PADI2: variants seen among roughly 807,000 people sequenced by gnomAD.
PADI2 encodes the protein protein-arginine deiminase type-2.
A neutral mutation model predicts 81.1 loss-of-function variants in PADI2; 70 were observed. The observed-to-expected ratio is 0.86, with a 90% CI of 0.71 to 1.05. PADI2 has a LOEUF of 1.05. Ranked by LOEUF, PADI2 falls within the 50% of genes least tolerant of loss-of-function variation. The probability of loss-of-function intolerance (pLI) is 0.00; values close to 1 mark genes in which losing one functional copy is unlikely to be tolerated. For synonymous variants in PADI2, 338 were observed against 358.0 expected (o/e 0.94, Z 0.63); for missense variants, 853 against 889.9 (o/e 0.96, Z 0.53).
chr1:17,104,623 C>A (rs1422164230), intron 2 of PADI2, among the ~76,000 whole-genome samples: 1 of 151,518 alleles, frequency 6.6e-6, no homozygotes, highest in Non-Finnish European at 1.5e-5. Context: ...TTAGTAGAGA[C>A]AGGGTTTCAC....
chr1:17,104,781 G>T, intron 2 of PADI2, 97 bp downstream of exon 2: 1 of 1,061,450 alleles, frequency 9.4e-7, no homozygotes, highest in Non-Finnish European at 1.3e-6. Context: ...AATGACACAT[G>T]GCCCACGTGC....
At chr1:17,107,699 A>G (rs1931432884) in intron 1 of PADI2, among the ~76,000 whole-genome samples, 1 of 152,202 alleles carries the variant, frequency 6.6e-6, no homozygotes, top group Admixed American at 6.5e-5. Flanking sequence ...GCTGCCGGGC[A>G]GTGTCTGTCT....
intron 4 of PADI2, among the ~76,000 whole-genome samples, chr1:17,093,968 G>A (rs1476873024): frequency 6.6e-6 from 1 of 152,098 alleles, no homozygotes; most frequent in Non-Finnish European, 1.5e-5. Context: ...GCAGGGAGGT[G>A]GAGGCTGGCC....
chr1:17,114,707 A>G (rs192308740), intron 1 of PADI2, among the ~76,000 whole-genome samples: 61 of 152,080 alleles, frequency 4.0e-4, no homozygotes, highest in African/African-American at 1.2e-3. Context: ...GCACCACGAC[A>G]TGGGGTAGTC....
intron 7 of PADI2, among the ~76,000 whole-genome samples, chr1:17,084,927 C>A (rs1428274759): frequency 6.6e-6 from 1 of 152,204 alleles, no homozygotes. Context: ...ATGGGGAAAC[C>A]GAGTCACAGG....
Position 17,075,756 on chromosome 1 carries a change from C to T in PADI2, c.1378G>A (p.Val460Met), listed in dbSNP as rs376698911. The change falls in exon 12 of 16, where the codon GTG becomes ATG. Residue 460 changes from valine (V) to methionine (M), a missense_variant. Transcript: ENST00000375486. ...FLKAQQVQAP[V>M]ELYSDWLTVG... ...GTCAGCCAGTCTGAGTAGAGCTCCA[C>T]GGGCGCCTGCACCTGCTGGGCCTTC... 54 of 1,613,852 alleles carry T rather than the reference C, an allele frequency of 3.3e-5. No homozygotes were observed. The highest frequency in any genetic ancestry group is 1.6e-4 in the Middle Eastern group (1 of 6,082).
At chr1:17,078,358 G>A (rs912890176) in intron 11 of PADI2, among the ~76,000 whole-genome samples, 2 of 152,014 alleles carry the variant, frequency 1.3e-5, no homozygotes, top group African/African-American at 4.8e-5. Flanking sequence ...TGATCCACCC[G>A]CCTCGGCCTC....
At chr1:17,079,625 CGAGTGA>C (rs139359264) in intron 10 of PADI2, among the ~76,000 whole-genome samples, 204 of 151,160 alleles carry the variant, frequency 1.3e-3, no homozygotes, top group African/African-American at 4.8e-3. Context: ...TGTGAGAGTG[CGAGTGA>C]GAGTGAGTGT....
chr1:17,107,416 A>G (rs1931421725), intron 1 of PADI2, among the ~76,000 whole-genome samples: 1 of 152,196 alleles, frequency 6.6e-6, no homozygotes, highest in Non-Finnish European at 1.5e-5. Context: ...TGACAAGTGT[A>G]GGCCAGCGGC....
chr1:17,108,228 C>A (rs1023574697), intron 1 of PADI2, among the ~76,000 whole-genome samples: 6 of 152,116 alleles, frequency 3.9e-5, no homozygotes, highest in Non-Finnish European at 8.8e-5. Flanking sequence ...GGATTACAGG[C>A]GTGAGCCACC....
intron 12 of PADI2, chr1:17,075,213 A>T (rs1477022943): frequency 2.4e-6 from 1 of 415,374 alleles, no homozygotes; most frequent in East Asian, 4.5e-5. Context: ...AAGCAGCCAC[A>T]CAATTTGCAG....
chr1:17,100,914 C>A (rs1015598953), intron 3 of PADI2, among the ~76,000 whole-genome samples: 2 of 152,122 alleles, frequency 1.3e-5, no homozygotes, highest in Non-Finnish European at 2.9e-5. Flanking sequence ...CCCACCTTGG[C>A]CTCCCAAAGT....
chr1:17,084,876 C>A (rs937117912), intron 7 of PADI2, among the ~76,000 whole-genome samples, 174 bp from the exon 8 acceptor site: 4 of 152,254 alleles, frequency 2.6e-5, no homozygotes, highest in Non-Finnish European at 4.4e-5. Flanking sequence ...GCCTTCCGAC[C>A]ACCGCAGGAG....
At chr1:17,110,543 T>G (rs886111175) in intron 1 of PADI2, among the ~76,000 whole-genome samples, 2 of 152,166 alleles carry the variant, frequency 1.3e-5, no homozygotes, top group East Asian at 3.9e-4. Flanking sequence ...ATTCACTGGC[T>G]CCTCAGTGCC....
At chr1:17,093,112 T>C (rs772471828) in intron 5 of PADI2, among the ~76,000 whole-genome samples, 2 of 151,918 alleles carry the variant, frequency 1.3e-5, no homozygotes, top group Non-Finnish European at 2.9e-5. Context: ...TTTTTTTTTC[T>C]TGAGACAGAG....
At position 17,087,600 on chromosome 1, in the gene PADI2, A is replaced by T. The variant is rs780785962; in HGVS notation, c.656-901T>A. Among the ~76,000 whole-genome samples, 75 of 152,218 alleles carry T rather than the reference A, an allele frequency of 4.9e-4. No individual in the cohort carries two copies. In the Middle Eastern group the frequency reaches 0.01, roughly 21 times the overall value. On this transcript the variant is annotated intron_variant, in intron 6 of 15. Transcript: ENST00000375486. ...ACTGCAACCTCTGCCTCCTGGGTTC[A>T]AGCGATTCTCCTGCCTCAGCCTCCC... is the stretch of plus-strand genomic sequence containing the variant.
intron 6 of PADI2, among the ~76,000 whole-genome samples, chr1:17,091,325 C>G (rs1237722967): frequency 6.6e-6 from 1 of 150,468 alleles, no homozygotes; most frequent in Non-Finnish European, 1.5e-5. Context: ...TCCCGCCACC[C>G]CACGACCCGC....
chr1:17,090,581 TTGTGTG>T (rs3036949), intron 6 of PADI2, among the ~76,000 whole-genome samples: 36,055 of 142,744 alleles, frequency 0.25, 4,787 homozygotes, highest in East Asian at 0.47. Flanking sequence ...CGTCCTTTGC[TTGTGTG>T]TGTGTGTGTG....
At chr1:17,118,992 T>C (rs939565797) in intron 1 of PADI2, among the ~76,000 whole-genome samples, 1 of 151,646 alleles carries the variant, frequency 6.6e-6, no homozygotes. Context: ...GGAGGAGAAC[T>C]GGAGAGGGCC....
Sources: gnomAD v4.1 joint callset for allele counts (sites outside exome capture counted in the v4.1 genomes callset) on GRCh38, gnomAD v4.1.1 for gene constraint, MANE v1.5 for transcripts, NCBI Gene and HGNC (gene_info 2026-07-23, HGNC 2026-07-21) for gene names.